ERF: variants seen among roughly 807,000 people sequenced by gnomAD.
ERF encodes the protein ETS domain-containing transcription factor ERF.
Under a neutral mutation model 41.6 loss-of-function variants are expected in ERF, and 10 were observed. The observed-to-expected ratio is 0.24, with a 90% CI of 0.15 to 0.41. The LOEUF (loss-of-function observed/expected upper bound fraction) is 0.41, where lower values mean the gene tolerates loss of function less well. Among genes scored for constraint, ERF ranks in the 10% least tolerant of loss-of-function variants. The pLI, the probability that ERF is intolerant of heterozygous loss-of-function variation, is 1.00. For missense variants in ERF, 621 were observed against 763.2 expected (o/e 0.81, Z 2.19); for synonymous variants, 395 against 342.4 (o/e 1.15, Z -1.70).
chr19:42,253,832 G>T, intron 1 of ERF: 1 of 1,021,706 alleles, frequency 9.8e-7, no homozygotes, highest in Non-Finnish European at 1.2e-6. Context: ...GGGCCGGTCG[G>T]GGCACACACC....
At position 42,249,247 on chromosome 19, in the gene ERF, T is replaced by C; in HGVS notation, c.865A>G (p.Ser289Gly). 3.7e-6 allele frequency: 6 copies of C among 1,612,844 alleles called. No individual in the cohort carries two copies. Among genetic ancestry groups the C allele is most frequent in the Non-Finnish European group, 4.2e-6 (5 of 1,179,484 alleles). Residue 289 changes from serine (S) to glycine (G), a missense_variant, in exon 4 of 4, where the codon AGT becomes GGT. By Grantham distance (56) the Ser-to-Gly change is moderately conservative (BLOSUM62 0). Transcript: ENST00000222329. This position sits in a 1 kb window ranked among gnomAD's most constrained non-coding sequence, Gnocchi z 8.6. ...PSPTLSPMYP[S>G]GGGGPSGSGG... ...GAGCCGCTGGGCCCCCCGCCACCAC[T>C]GGGGTACATCGGGCTCAGCGTGGGC...
chr19:42,254,893 C>A, intron 1 of ERF, 85 bp downstream of exon 1: 1 of 1,418,240 alleles, frequency 7.1e-7, no homozygotes, highest in South Asian at 1.4e-5. Flanking sequence ...CGGGCTCCCC[C>A]GGACCCCTTC....
chr19:42,254,993 T>C lies in ERF; in HGVS notation c.7A>G (p.Thr3Ala). 6.8e-7 allele frequency: 1 copy of C among 1,459,916 alleles called. No individual in the cohort carries two copies. Among genetic ancestry groups the C allele is most frequent in the Non-Finnish European group, 9.0e-7 (1 of 1,111,620 alleles). 90.4% of individuals were successfully genotyped at this position (1,459,916 alleles called of 1,614,324 possible). Reference protein sequence around the residue: MKTPADTGFAFPD... With the variant: MKAPADTGFAFPD... The stretch of plus-strand genomic sequence containing the variant: ...CCGCCCCCACCTGTGTCCGCCGGGG[T>C]CTTCATGCTGGGGGGCCCGGGGCGA... The change falls in exon 1 of 4, where the codon ACC (threonine) becomes GCC (alanine). Residue 3 changes from threonine (T) to alanine (A), a missense_variant. Physicochemically the swap from Thr to Ala is moderately conservative, Grantham distance 58. Transcript: ENST00000222329.
rs2036511163 is a variant in ERF, at chr19:42,255,077, C to G, written c.-78G>C. ...CCTCGCTGCCCCGTCCCGTCCCGCG[C>G]CCGTCGGGCCGCCCTCGCCGCCTCA... On this transcript the variant is annotated 5_prime_UTR_variant, in exon 1 of 4. Transcript: ENST00000222329. The G allele has an allele frequency of 9.9e-6, 12 of 1,217,748 alleles. No individual in the cohort carries two copies. The highest frequency in any genetic ancestry group is 1.6e-5 in the African/African-American group (1 of 63,194). 75.4% of individuals were successfully genotyped at this position (1,217,748 alleles called of 1,614,324 possible).
chr19:42,251,243 A>C, intron 1 of ERF: 1 of 985,896 alleles, frequency 1.0e-6, no homozygotes, highest in Non-Finnish European at 1.2e-6. Flanking sequence ...CCCCAGACCC[A>C]GGCATCCAGG....
chr19:42,254,003 C>G, intron 1 of ERF: 1 of 955,162 alleles, frequency 1.0e-6, no homozygotes, highest in Non-Finnish European at 1.2e-6. Flanking sequence ...ACCCCTCCCC[C>G]TGCGCGCTCG....
Position 42,250,462 on chromosome 19 carries a change from G to A in ERF, c.126C>T (p.Tyr42=), listed in dbSNP as rs1424466599. The A allele has an allele frequency of 1.2e-6, 2 of 1,613,566 alleles. No individual in the cohort carries two copies. Among genetic ancestry groups the A allele is most frequent in the South Asian group, 1.1e-5 (1 of 91,052 alleles). ...CCCCCTGCCAGGCAATGACGCCCTG[G>A]TACTCCTCCTTCCGCAGCAGCTCCA... is the stretch of plus-strand genomic sequence containing the variant. ...FILELLRKEE[Y]QGVIAWQGDY... Residue 42 remains tyrosine, a synonymous_variant, in exon 2 of 4, where the codon TAC becomes TAT. Transcript: ENST00000222329. This position sits in a 1 kb window ranked among gnomAD's most constrained non-coding sequence, Gnocchi z 5.1.
chr19:42,251,011 ACT>A (rs931968982), intron 1 of ERF, among the ~76,000 whole-genome samples: 2 of 151,362 alleles, frequency 1.3e-5, no homozygotes, highest in African/African-American at 4.9e-5. Flanking sequence ...AGAAACATGC[ACT>A]GTCTCCTCCG....
chr19:42,250,304 G>T lies in ERF; in HGVS notation c.257+27C>A, dbSNP rs772039268. ...AACCCCGGGGGGGCACTCCACATGTGCTCAGGGGTCCCCAGCCCGTCCTCA... is the reference window on the plus strand; with the variant it reads ...AACCCCGGGGGGGCACTCCACATGTTCTCAGGGGTCCCCAGCCCGTCCTCA... On this transcript the variant is annotated intron_variant, in intron 2 of 3. Transcript: ENST00000222329. This position sits in a 1 kb window ranked among gnomAD's most constrained non-coding sequence, Gnocchi z 5.1. The T allele has an allele frequency of 3.4e-5, 54 of 1,608,936 alleles. No homozygotes were observed. Among genetic ancestry groups the T allele is most frequent in the Non-Finnish European group, 4.5e-5 (53 of 1,176,884 alleles).
chr19:42,250,582 G>T lies in ERF; in HGVS notation c.23-17C>A, dbSNP rs1019339310. The T allele has an allele frequency of 1.2e-6, 2 of 1,610,784 alleles. No individual in the cohort carries two copies. Among genetic ancestry groups the T allele is most frequent in the Non-Finnish European group, 1.7e-6 (2 of 1,178,908 alleles). ...AGGCAAACCCTGGGGACGGGAGGCA[G>T]GGAGTGGCCTGGGGTCAGGCTGCCA... is the stretch of plus-strand genomic sequence containing the variant. On this transcript the variant is annotated splice_polypyrimidine_tract_variant and intron_variant, in intron 1 of 3. Coordinates refer to ENST00000222329, the MANE Select transcript of ERF (RefSeq NM_006494.4). This position sits in a 1 kb window ranked among gnomAD's most constrained non-coding sequence, Gnocchi z 5.1.
chr19:42,254,891 C>G, intron 1 of ERF, 87 bp downstream of exon 1: 2 of 1,414,140 alleles, frequency 1.4e-6, no homozygotes, highest in Admixed American at 5.9e-5. Context: ...CTCGGGCTCC[C>G]CCGGACCCCT....
Position 42,249,209 on chromosome 19 carries a change from G to A in ERF, c.903C>T (p.Ser301=). Residue 301 remains serine, a synonymous_variant, in exon 4 of 4, where the codon TCC becomes TCT. Transcript: ENST00000222329. The surrounding 1 kb of genome is among the most constrained non-coding windows in gnomAD (Gnocchi z 8.6). ...TGTCCTCAGGGCTGAAGGAGAAGTG[G>A]GAGCCTCCCCCTGAGCCGCTGGGCC... The part of the protein sequence containing the change: ...GGGPSGSGGG[S]HFSFSPEDMK... 1.2e-6 allele frequency: 2 copies of A among 1,613,738 alleles called. No individual in the cohort carries two copies. Among genetic ancestry groups the A allele is most frequent in the South Asian group, 2.2e-5 (2 of 91,062 alleles).
chr19:42,251,448 G>T (rs1227985556), intron 1 of ERF: 24 of 200,088 alleles, frequency 1.2e-4, no homozygotes, highest in Middle Eastern at 2.9e-3. Context: ...AGCCTGGGGT[G>T]GGGGGTGGGG....
At chr19:42,254,743 G>A (rs1360919877) in intron 1 of ERF, 3 of 407,650 alleles carry the variant, frequency 7.4e-6, no homozygotes, top group Non-Finnish European at 1.3e-5. Context: ...TCCCGGTAGG[G>A]ATACAGGACC....
chr19:42,254,124 G>A (rs2036494581), intron 1 of ERF, among the ~76,000 whole-genome samples: 1 of 151,904 alleles, frequency 6.6e-6, no homozygotes, highest in African/African-American at 2.4e-5. Flanking sequence ...GACCGAGGGG[G>A]AGGGGAACCT....
Position 42,249,764 on chromosome 19 carries a change from G to A in ERF, c.374-26C>T, listed in dbSNP as rs200256396. 220 of 1,612,638 alleles carry A rather than the reference G, an allele frequency of 1.4e-4. 2 individuals are homozygous for A. The East Asian group carries it at 4.7e-3, about 35-fold the overall frequency. On this transcript the variant is annotated intron_variant, in intron 3 of 3. Coordinates refer to ENST00000222329, the MANE Select transcript of ERF (RefSeq NM_006494.4). This position sits in a 1 kb window ranked among gnomAD's most constrained non-coding sequence, Gnocchi z 8.6. Reference sequence around the variant, plus strand: ...CTGGCAGAAGGGAGACAGTGTCAAGGCCCCTGGCCTAGCCTGAAGGGGCAT... The same window carrying A: ...CTGGCAGAAGGGAGACAGTGTCAAGACCCCTGGCCTAGCCTGAAGGGGCAT...
chr19:42,253,017 G>A (rs958825580), intron 1 of ERF, among the ~76,000 whole-genome samples: 1 of 152,194 alleles, frequency 6.6e-6, no homozygotes, highest in African/African-American at 2.4e-5. Flanking sequence ...CAGACAGCAA[G>A]GGCTGGGATG....
chr19:42,254,819 G>A (rs2036506857), intron 1 of ERF, among the ~76,000 whole-genome samples, 159 bp downstream of exon 1: 1 of 152,168 alleles, frequency 6.6e-6, no homozygotes, highest in Admixed American at 6.5e-5. Flanking sequence ...CAGCAACCCC[G>A]CTCGCGCCAC....
In ERF at chr19:42,250,780, C is replaced by T. The variant is rs987774820; in HGVS notation, c.23-215G>A. Among the ~76,000 whole-genome samples, 2 of 152,090 alleles carry T rather than the reference C, an allele frequency of 1.3e-5. No individual in the cohort carries two copies. The highest frequency in any genetic ancestry group is 1.9e-4 in the East Asian group (1 of 5,190). On this transcript the variant is annotated intron_variant, in intron 1 of 3. Coordinates refer to ENST00000222329, the MANE Select transcript of ERF (RefSeq NM_006494.4). The surrounding 1 kb of genome is among the most constrained non-coding windows in gnomAD (Gnocchi z 5.1). ...CTGGGGGGGAGGGGAAGCTGGAGCCCGCTCCAGCGACACCGGGAGAAACAG... is the reference window on the plus strand; with the variant it reads ...CTGGGGGGGAGGGGAAGCTGGAGCCTGCTCCAGCGACACCGGGAGAAACAG...
Sources: gnomAD v4.1 joint callset for allele counts (sites outside exome capture counted in the v4.1 genomes callset) on GRCh38, gnomAD v4.1.1 for gene constraint, Gnocchi (gnomAD v3.1) non-coding constraint, MANE v1.5 for transcripts, NCBI Gene and HGNC (gene_info 2026-07-23, HGNC 2026-07-21) for gene names.